Variants in TAF5 observed in about 807,000 individuals in gnomAD.
The protein encoded by TAF5 is transcription initiation factor TFIID subunit 5.
A neutral mutation model predicts 80.9 loss-of-function variants in TAF5; 20 were observed. The observed-to-expected ratio is 0.25, with a 90% confidence interval of 0.17 to 0.36. The LOEUF (loss-of-function observed/expected upper bound fraction) is 0.36, where lower values mean the gene tolerates loss of function less well. Ranked by LOEUF, TAF5 falls within the 10% of genes least tolerant of loss-of-function variation. TAF5 has a pLI of 1.00. For synonymous variants in TAF5, 388 were observed against 406.4 expected, an observed-to-expected ratio of 0.95 and a Z score of 0.55; for missense variants, 863 against 1,029.4, an observed-to-expected ratio of 0.84 and a Z score of 2.21.
chr10:103,386,974 TAA>T (rs200436831), intron 8 of TAF5, among the ~76,000 whole-genome samples, 199 bp from the exon 9 acceptor site: 4 of 143,654 alleles, frequency 2.8e-5, no homozygotes, highest in Admixed American at 2.1e-4. Context: ...GACCTCAGCT[TAA>T]AAAAAAAAAA....
Position 103,368,167 on chromosome 10 carries a change from G to T in TAF5, c.178G>T (p.Asp60Tyr). The T allele has an allele frequency of 1.4e-6, 2 of 1,394,812 alleles. No individual in the cohort carries two copies. Among genetic ancestry groups the T allele is most frequent in the South Asian group, 3.1e-5 (2 of 63,514 alleles). 86.4% of individuals were successfully genotyped at this position (1,394,812 alleles called of 1,614,324 possible). A position where few individuals can be genotyped will look rare whatever the true frequency, so the allele number is the denominator to read the frequency against. ...NVAASSSTGG[D>Y]GGTPKPTVAV... Reference sequence around the variant, plus strand: ...TGCGGCGTCGTCGTCCACTGGCGGGGATGGCGGGACCCCCAAGCCCACGGT... The same window carrying T: ...TGCGGCGTCGTCGTCCACTGGCGGGTATGGCGGGACCCCCAAGCCCACGGT... The change falls in exon 1 of 11, where the codon GAT becomes TAT. Residue 60 changes from aspartate (D) to tyrosine (Y), a missense_variant. Coordinates refer to ENST00000369839, the MANE Select transcript of TAF5 (RefSeq NM_006951.5).
chr10:103,388,036 A>G lies in TAF5; in HGVS notation c.2216A>G (p.Asp739Gly). Residue 739 changes from aspartate to glycine, a missense_variant, in exon 11 of 11, where the codon GAT (aspartate) becomes GGT (glycine). Coordinates refer to ENST00000369839, the MANE Select transcript of TAF5 (RefSeq NM_006951.5). Reference sequence around the variant, plus strand: ...ATGGATAATACAGTTCGATTATGGGATGCTATCAAAGCCTTTGAAGATTTA... The same window carrying G: ...ATGGATAATACAGTTCGATTATGGGGTGCTATCAAAGCCTTTGAAGATTTA... ...GSMDNTVRLW[D>G]AIKAFEDLET... 1 of 1,614,056 alleles carries G rather than the reference A, an allele frequency of 6.2e-7. No homozygotes were observed. The highest frequency in any genetic ancestry group is 8.5e-7 in the Non-Finnish European group (1 of 1,179,944).
Position 103,378,327 on chromosome 10 carries a change from T to C in TAF5, c.890T>C (p.Met297Thr). 1.9e-6 allele frequency: 3 copies of C among 1,614,208 alleles called. No individual in the cohort carries two copies. The highest frequency in any genetic ancestry group is 2.5e-6 in the Non-Finnish European group (3 of 1,180,040). The stretch of plus-strand genomic sequence containing the variant: ...GAACACATGAAAGGGAATGAGACCA[T>C]GTTGGATTTTCGAACAAGTAAATTT... ...KKEHMKGNET[M>T]LDFRTSKFVL... The change falls in exon 3 of 11, where the codon ATG becomes ACG. Residue 297 changes from methionine (M) to threonine (T), a missense_variant. This residue lies in a region of TAF5 where 128 missense variants were observed against 232.2 expected (regional missense o/e 0.55). Coordinates refer to ENST00000369839, the MANE Select transcript of TAF5 (RefSeq NM_006951.5). This position sits in a 1 kb window ranked among gnomAD's most constrained non-coding sequence, Gnocchi z 4.1.
Position 103,388,237 on chromosome 10 carries a change from A to C in TAF5, c.*14A>C. The C allele has an allele frequency of 6.2e-7, 1 of 1,600,274 alleles. No homozygotes were observed. The highest frequency in any genetic ancestry group is 8.5e-7 in the Non-Finnish European group (1 of 1,173,820). On this transcript the variant is annotated 3_prime_UTR_variant, in exon 11 of 11. Transcript: ENST00000369839. ...AGTCCACAATAAACCATCGGTATTA[A>C]AGACCTTTTGGAAGCTACTGTTTTT...
rs34851825 is a variant in TAF5 at position 103,386,664 on chromosome 10, A to ATTT, written c.1830-496_1830-494dup. Among the ~76,000 whole-genome samples the ATTT allele has an allele frequency of 7.1e-3, 951 of 133,908 alleles. 17 individuals carry two copies. The highest frequency in any genetic ancestry group is 0.07 in the South Asian group (286 of 4,114). 87.8% of individuals were successfully genotyped at this position (133,908 alleles called of 152,430 possible). A position where few individuals can be genotyped will look rare whatever the true frequency, so the allele number is the denominator to read the frequency against. ...TTGGGCAACAGAGCAAGACCTCAGC[A>ATTT]TTTTTTTTTTTTTTTTTGAGACAGA... On this transcript the variant is annotated intron_variant, in intron 8 of 10. Transcript: ENST00000369839.
chr10:103,381,824 G>T lies in TAF5; in HGVS notation c.1517G>T (p.Ser506Ile). The T allele has an allele frequency of 6.2e-7, 1 of 1,614,194 alleles. No homozygotes were observed. The highest frequency in any genetic ancestry group is 8.5e-7 in the Non-Finnish European group (1 of 1,180,026). ...VWSVTPKKLR[S>I]VKQASDLSLI... ...TCGGTAACACCCAAAAAGCTTCGTA[G>T]TGTCAAACAAGCATCAGGTAACTGA... is the stretch of plus-strand genomic sequence containing the variant. The change falls in exon 6 of 11, where the codon AGT becomes ATT. Residue 506 changes from serine (S) to isoleucine (I), a missense_variant. Coordinates refer to ENST00000369839, the MANE Select transcript of TAF5 (RefSeq NM_006951.5).
Position 103,387,781 on chromosome 10 carries a change from T to G in TAF5, c.2185+83T>G, listed in dbSNP as rs961656861. ...CGACTGCAATACTAAGTCCTTATGT[T>G]TTAGGTTTTACTTCCCTTTAGCTAT... is the stretch of plus-strand genomic sequence containing the variant. On this transcript the variant is annotated intron_variant, in intron 10 of 10. Transcript: ENST00000369839. The G allele has an allele frequency of 2.1e-5, 29 of 1,407,348 alleles. 1 individual carries two copies. In the African/African-American group the frequency reaches 3.9e-4, roughly 19 times the overall value. The allele number at this position is 1,407,348 out of a possible 1,614,324, so 87.2% of individuals were successfully genotyped here.
intron 1 of TAF5, among the ~76,000 whole-genome samples, chr10:103,372,970 C>T (rs921539320): frequency 6.6e-5 from 10 of 151,384 alleles, no homozygotes; most frequent in Non-Finnish European, 8.8e-5. Flanking sequence ...TTTGGGAGGC[C>T]GAGGCGGGAG....
Position 103,368,521 on chromosome 10 carries a change from G to T in TAF5, c.532G>T (p.Ala178Ser), listed in dbSNP as rs750218871. The stretch of plus-strand genomic sequence containing the variant: ...GGGGGCCACGGTCGTCTCAGGTTCA[G>T]CCTCAGGTCCTGCGGCTCCGGGTAA... Reference protein sequence around the residue: ...ASGATVVSGSASGPAAPGKVG... With the variant: ...ASGATVVSGSSSGPAAPGKVG... The change falls in exon 1 of 11, where the codon GCC (alanine) becomes TCC (serine). Residue 178 changes from alanine to serine, a missense_variant. By Grantham distance (99) the Ala-to-Ser change is moderately conservative (BLOSUM62 1). Around this residue, in one of 3 missense-constraint regions of TAF5, gnomAD observed 367 missense variants for 335.5 expected, o/e 1.09. Transcript: ENST00000369839. 1.3e-6 allele frequency: 2 copies of T among 1,550,032 alleles called. No individual in the cohort carries two copies. Among genetic ancestry groups the T allele is most frequent in the South Asian group, 2.3e-5 (2 of 85,396 alleles).
At chr10:103,369,270 C>T (rs1025846961) in intron 1 of TAF5, among the ~76,000 whole-genome samples, 10 of 152,052 alleles carry the variant, frequency 6.6e-5, no homozygotes, top group Non-Finnish European at 1.0e-4. Flanking sequence ...TGAGACACCG[C>T]GCCCGGCCGC....
chr10:103,385,353 C>T lies in TAF5; in HGVS notation c.1692C>T (p.Asp564=), dbSNP rs140010527. The change falls in exon 8 of 11, where the codon GAC becomes GAT. Residue 564 remains aspartate (D), a synonymous_variant. Transcript: ENST00000369839. ...DRNYLLSSSE[D]GTVRLWSLQT... is the part of the protein sequence containing the mutation. The stretch of plus-strand genomic sequence containing the variant: ...ACTATCTGCTTTCCTCTTCAGAGGA[C>T]GGAACTGTTAGATTGTGGAGCCTTC... 3.8e-4 allele frequency: 608 copies of T among 1,613,032 alleles called. No individual in the cohort carries two copies. The highest frequency in any genetic ancestry group is 4.6e-4 in the Non-Finnish European group (539 of 1,179,172).
chr10:103,380,617 A>G (rs893841458), intron 5 of TAF5, among the ~76,000 whole-genome samples: 9 of 144,406 alleles, frequency 6.2e-5, no homozygotes, highest in Admixed American at 3.5e-4. Context: ...TTATTTATCA[A>G]TTTTTTTTTT....
chr10:103,369,823 T>C (rs1013089221), intron 1 of TAF5, among the ~76,000 whole-genome samples: 8 of 152,218 alleles, frequency 5.3e-5, no homozygotes, highest in African/African-American at 1.4e-4. Flanking sequence ...TATTGACATA[T>C]GGCAGCTTGA....
intron 1 of TAF5, among the ~76,000 whole-genome samples, chr10:103,370,893 A>G (rs1299223860): frequency 6.6e-6 from 1 of 152,204 alleles, no homozygotes; most frequent in Non-Finnish European, 1.5e-5. Flanking sequence ...TGAAGTATTC[A>G]TACATAGCAT....
chr10:103,371,195 A>G (rs868477221), intron 1 of TAF5, among the ~76,000 whole-genome samples: 14 of 151,610 alleles, frequency 9.2e-5, no homozygotes, highest in African/African-American at 3.2e-4. Flanking sequence ...GTGAGCTGAG[A>G]TCAAGCCATT....
rs2133637040 is a variant in TAF5 at position 103,385,448 on chromosome 10, A to G, written c.1787A>G (p.Tyr596Cys). The change falls in exon 8 of 11, where the codon TAT becomes TGT. Residue 596 changes from tyrosine to cysteine, a missense_variant. Transcript: ENST00000369839. ...GTATGGGACACACAATTTTCTCCAT[A>G]TGGATATTATTTTGTGTCAGGGGGC... is the stretch of plus-strand genomic sequence containing the variant. ...YPVWDTQFSP[Y>C]GYYFVSGGHD... 6.2e-7 allele frequency: 1 copy of G among 1,614,050 alleles called. No individual in the cohort carries two copies. Among genetic ancestry groups the G allele is most frequent in the South Asian group, 1.1e-5 (1 of 91,058 alleles).
chr10:103,374,864 G>A lies in TAF5; in HGVS notation c.797+1269G>A, dbSNP rs1432773761. Among the ~76,000 whole-genome samples the A allele has an allele frequency of 6.6e-6, 1 of 152,052 alleles. No individual in the cohort carries two copies. Among genetic ancestry groups the A allele is most frequent in the Non-Finnish European group, 1.5e-5 (1 of 68,020 alleles). On this transcript the variant is annotated intron_variant, in intron 2 of 10. Transcript: ENST00000369839. This position sits in a 1 kb window ranked among gnomAD's most constrained non-coding sequence, Gnocchi z 4.3. ...GAGGTGGCCCGGCGCTGCGGCTCAC[G>A]CCTTTAATCCCAGCACTTTGGGAGG... is the stretch of plus-strand genomic sequence containing the variant.
intron 1 of TAF5, 31 bp downstream of exon 1, chr10:103,368,579 C>T (rs747363998): frequency 2.5e-5 from 36 of 1,449,286 alleles, no homozygotes; most frequent in Middle Eastern, 2.2e-4. Context: ...TAGGTACGGC[C>T]GCCGCGAAGG....
chr10:103,387,672 G>C lies in TAF5; in HGVS notation c.2159G>C (p.Ser720Thr), dbSNP rs1203338722. Residue 720 changes from serine to threonine, a missense_variant, in exon 10 of 11, where the codon AGT becomes ACT. This residue lies in a region of TAF5 where 368 missense variants were observed against 461.7 expected (regional missense o/e 0.80). Transcript: ENST00000369839. The part of the protein sequence containing the change: ...HTDTVCSLRF[S>T]RDGEILASGS... ...GATACAGTCTGTTCACTTAGGTTTA[G>C]TAGAGATGGTGAAATTTTGGCATCA... The C allele has an allele frequency of 6.2e-7, 1 of 1,611,388 alleles. No homozygotes were observed. The highest frequency in any genetic ancestry group is 1.3e-5 in the African/African-American group (1 of 74,774).
Sources: allele counts gnomAD v4.1 joint callset (sites outside exome capture counted in the v4.1 genomes callset), GRCh38; gene constraint gnomAD v4.1.1; regional missense constraint gnomAD v4.1.1; non-coding constraint Gnocchi (gnomAD v3.1); transcripts MANE v1.5; gene names NCBI Gene and HGNC (gene_info 2026-07-23, HGNC 2026-07-21).